The following PCDHGA3 variants were observed in gnomAD, a reference collection of about 807,000 sequenced individuals.
PCDHGA3 encodes protocadherin gamma subfamily A, 3.
A neutral mutation model predicts 58.5 loss-of-function variants in PCDHGA3; 40 were observed. The ratio of observed to expected loss-of-function variants is 0.68; its 90% confidence interval spans 0.53 to 0.89. PCDHGA3 has a LOEUF of 0.89. PCDHGA3 is among the 40% of genes least tolerant of loss of function. The probability of loss-of-function intolerance (pLI) is 0.00; values close to 1 mark genes in which losing one functional copy is unlikely to be tolerated. For synonymous variants in PCDHGA3, 530 were observed against 525.7 expected (o/e 1.01, Z -0.11); for missense variants, 1,223 against 1,195.9 (o/e 1.02, Z -0.33).
At chr5:141,464,120 C>G (rs1297254980) in intron 1 of PCDHGA3, among the ~76,000 whole-genome samples, 1 of 151,976 alleles carries the variant, frequency 6.6e-6, no homozygotes, top group African/African-American at 2.4e-5. Flanking sequence ...CAAAAATTAG[C>G]TGGGTGTGGT....
chr5:141,445,302 A>C (rs2098462947), intron 1 of PCDHGA3, among the ~76,000 whole-genome samples: 1 of 152,220 alleles, frequency 6.6e-6, no homozygotes, highest in African/African-American at 2.4e-5. Flanking sequence ...CATTCTCTTC[A>C]GTTTGTAGGT....
intron 1 of PCDHGA3, chr5:141,372,633 A>G: frequency 6.2e-7 from 1 of 1,613,996 alleles, no homozygotes; most frequent in South Asian, 1.1e-5. Context: ...CAGCGAAAGG[A>G]CTTTGCCTTA....
intron 1 of PCDHGA3, chr5:141,412,460 G>C (rs2095557510): frequency 1.3e-5 from 2 of 152,244 alleles, no homozygotes; most frequent in South Asian, 4.1e-4. Flanking sequence ...AACTATTCTA[G>C]AAGAGTACTT....
At chr5:141,465,032 A>C (rs2154568703) in intron 1 of PCDHGA3, among the ~76,000 whole-genome samples, 1 of 151,870 alleles carries the variant, frequency 6.6e-6, no homozygotes, top group Admixed American at 6.6e-5. Context: ...ATGAACCACC[A>C]CAAATGACCC....
At chr5:141,365,109 G>T in intron 1 of PCDHGA3, 1 of 1,613,846 alleles carries the variant, frequency 6.2e-7, no homozygotes, top group African/African-American at 1.3e-5. Flanking sequence ...GTGGGCACTC[G>T]GCTGCTCATG....
At position 141,407,205 on chromosome 5, in the gene PCDHGA3, C is replaced by T. The variant is rs146299905; in HGVS notation, c.2424+60748C>T. 1.4e-3 allele frequency among the ~76,000 whole-genome samples: 213 copies of T among 152,308 alleles called. 1 individual carries two copies. Among genetic ancestry groups the T allele is most frequent in the African/African-American group, 4.8e-3 (199 of 41,572 alleles). On this transcript the variant is annotated intron_variant, in intron 1 of 3. Coordinates refer to ENST00000253812, the MANE Select transcript of PCDHGA3 (RefSeq NM_018916.4). ...ATTTTAATTATTTCAAACACGTTTTCCCCCTTAAGTGGGTAGCAAAAAAAA... is the reference window on the plus strand; with the variant it reads ...ATTTTAATTATTTCAAACACGTTTTTCCCCTTAAGTGGGTAGCAAAAAAAA...
chr5:141,410,104 C>G, intron 1 of PCDHGA3: 1 of 1,612,582 alleles, frequency 6.2e-7, no homozygotes, highest in Non-Finnish European at 8.5e-7. Context: ...CCTTAGGCGA[C>G]AGGGACGCAG....
intron 1 of PCDHGA3, among the ~76,000 whole-genome samples, chr5:141,346,826 A>AC (rs1408143330): frequency 6.6e-6 from 1 of 152,222 alleles, no homozygotes; most frequent in African/African-American, 2.4e-5. Context: ...TACCTGTGAT[A>AC]AATAGGCCTT....
chr5:141,449,256 A>C (rs929920180), intron 1 of PCDHGA3, among the ~76,000 whole-genome samples: 5 of 152,176 alleles, frequency 3.3e-5, no homozygotes, highest in Non-Finnish European at 5.9e-5. Context: ...CAAGAATTGT[A>C]CAAAGAACTG....
intron 1 of PCDHGA3, among the ~76,000 whole-genome samples, chr5:141,353,220 T>C (rs796371145): frequency 2.0e-5 from 3 of 152,298 alleles, no homozygotes; most frequent in African/African-American, 7.2e-5. Flanking sequence ...TCCTAGATGT[T>C]AACACTTAGT....
chr5:141,497,326 T>C (rs1021730142), intron 2 of PCDHGA3, among the ~76,000 whole-genome samples: 1 of 152,060 alleles, frequency 6.6e-6, no homozygotes, highest in Non-Finnish European at 1.5e-5. Flanking sequence ...TGAAGCAGAA[T>C]TCACCATTGA....
chr5:141,374,181 A>C (rs765792921), intron 1 of PCDHGA3: 2 of 1,613,530 alleles, frequency 1.2e-6, no homozygotes, highest in African/African-American at 2.7e-5. Flanking sequence ...CAGATCCGCT[A>C]CTCTATTCCC....
At position 141,346,515 on chromosome 5, in the gene PCDHGA3, A is replaced by G. The variant is rs1302311173; in HGVS notation, c.2424+58A>G. 5.0e-6 allele frequency: 8 copies of G among 1,601,932 alleles called. 1 individual carries two copies. In the South Asian group the frequency reaches 8.9e-5, roughly 18 times the overall value. On this transcript the variant is annotated intron_variant, in intron 1 of 3. Transcript: ENST00000253812. Reference sequence around the variant, plus strand: ...CAAATATGAGAATGTGGTTATTATAAAGCTTTAACACATATGTATTTGAGA... The same window carrying G: ...CAAATATGAGAATGTGGTTATTATAGAGCTTTAACACATATGTATTTGAGA...
At chr5:141,398,928 T>C in intron 1 of PCDHGA3, 4 of 1,613,962 alleles carry the variant, frequency 2.5e-6, no homozygotes, top group Non-Finnish European at 3.4e-6. Flanking sequence ...TGTCAGCCAC[T>C]GACCAAGACG....
At chr5:141,355,865 G>C in intron 1 of PCDHGA3, 1 of 1,612,652 alleles carries the variant, frequency 6.2e-7, no homozygotes, top group Non-Finnish European at 8.5e-7. Flanking sequence ...GACCCGGTTC[G>C]CTCTGGCACT....
At chr5:141,381,798 C>CTCTTTCTTTCTTTCTTTCTTTCTT (rs372235829) in intron 1 of PCDHGA3, among the ~76,000 whole-genome samples, 8 of 144,168 alleles carry the variant, frequency 5.5e-5, no homozygotes, top group African/African-American at 1.9e-4. Flanking sequence ...AGGCAATTCC[C>CTCTTTCTTTCTTTCTTTCTTTCTT]TCTTTCTTTC....
chr5:141,376,606 A>C (rs1349467952), intron 1 of PCDHGA3: 1 of 1,502,986 alleles, frequency 6.7e-7, no homozygotes, highest in African/African-American at 1.4e-5. Context: ...TATAGAAGCG[A>C]ACCTCTTTTG....
intron 1 of PCDHGA3, 158 bp downstream of exon 1, chr5:141,346,615 C>A: frequency 9.2e-7 from 1 of 1,090,428 alleles, no homozygotes; most frequent in Non-Finnish European, 1.3e-6. Context: ...TATAGTAGGA[C>A]TGCACTCCCC....
chr5:141,437,223 C>G (rs555637738), intron 1 of PCDHGA3, among the ~76,000 whole-genome samples: 1 of 152,198 alleles, frequency 6.6e-6, no homozygotes, highest in Admixed American at 6.5e-5. Context: ...TGATTCCAGT[C>G]ATAAAATTAT....
Sources: allele counts gnomAD v4.1 joint callset (sites outside exome capture counted in the v4.1 genomes callset), GRCh38; gene constraint gnomAD v4.1.1; transcripts MANE v1.5; gene names NCBI Gene and HGNC (gene_info 2026-07-23, HGNC 2026-07-21).